DLG2: variants seen among roughly 807,000 people sequenced by gnomAD.
DLG2 encodes the protein discs large MAGUK scaffold protein 2.
Under a neutral mutation model 132.5 loss-of-function variants are expected in DLG2, and 45 were observed. The ratio of observed to expected loss-of-function variants is 0.34; its 90% confidence interval spans 0.27 to 0.44. DLG2 has a LOEUF of 0.44. Ranked by LOEUF, DLG2 falls within the 20% of genes least tolerant of loss-of-function variation. The probability of loss-of-function intolerance (pLI) is 1.00; values close to 1 mark genes in which losing one functional copy is unlikely to be tolerated. For missense variants in DLG2, 1,045 were observed against 1,196.9 expected (o/e 0.87, Z 1.87); for synonymous variants, 424 against 419.6 (o/e 1.01, Z -0.13).
At chr11:84,338,295 G>T (rs2098497295) in intron 7 of DLG2, among the ~76,000 whole-genome samples, 1 of 151,688 alleles carries the variant, frequency 6.6e-6, no homozygotes, top group Non-Finnish European at 1.5e-5. Flanking sequence ...CTATTTCCTT[G>T]ATGAACTCTA....
intron 3 of DLG2, among the ~76,000 whole-genome samples, chr11:85,395,102 TC>T (rs2087183000): frequency 6.6e-6 from 1 of 152,194 alleles, no homozygotes; most frequent in Admixed American, 6.5e-5. Context: ...TCTGCCTCTT[TC>T]TTTGTTTATC....
At chr11:84,897,130 T>C (rs1477524096) in intron 6 of DLG2, among the ~76,000 whole-genome samples, 3 of 125,442 alleles carry the variant, frequency 2.4e-5, no homozygotes, top group Non-Finnish European at 4.8e-5. Context: ...TTGCTTTTCT[T>C]GTACTAGTTA....
intron 3 of DLG2, among the ~76,000 whole-genome samples, chr11:85,467,990 C>A (rs1178841808): frequency 5.3e-5 from 8 of 152,082 alleles, no homozygotes; most frequent in Non-Finnish European, 1.0e-4. Flanking sequence ...ATTTCACAGC[C>A]TGTTATTGGT....
At chr11:83,689,401 A>G (rs540037519) in intron 18 of DLG2, among the ~76,000 whole-genome samples, 1 of 152,314 alleles carries the variant, frequency 6.6e-6, no homozygotes, top group African/African-American at 2.4e-5. Flanking sequence ...CTAACTTGAT[A>G]GTAGGAATAC....
chr11:83,633,952 GCAAAAAA>G (rs1190440865), intron 18 of DLG2, among the ~76,000 whole-genome samples: 29 of 137,062 alleles, frequency 2.1e-4, no homozygotes, highest in African/African-American at 7.1e-4. Flanking sequence ...AAAGCAAAAA[GCAAAAAA>G]CAAAAAACAA....
intron 6 of DLG2, among the ~76,000 whole-genome samples, chr11:85,085,322 G>C (rs1192638667): frequency 6.6e-6 from 1 of 151,978 alleles, no homozygotes; most frequent in Non-Finnish European, 1.5e-5. Flanking sequence ...TAGATATATA[G>C]AAACTCCTAG....
chr11:83,948,795 G>T (rs2084712707), intron 14 of DLG2, among the ~76,000 whole-genome samples: 2 of 152,130 alleles, frequency 1.3e-5, no homozygotes, highest in African/African-American at 4.8e-5. Flanking sequence ...GATTTCATCT[G>T]TAAAGTGGGA....
intron 6 of DLG2, among the ~76,000 whole-genome samples, chr11:84,723,383 T>C (rs750622023): frequency 3.9e-5 from 6 of 152,192 alleles, no homozygotes; most frequent in South Asian, 2.1e-4. Context: ...ATATTTCATT[T>C]CCTTGACTTT....
In DLG2 at chr11:84,571,688, T is replaced by C. The variant is rs567534180; in HGVS notation, c.358-36957A>G. Among the ~76,000 whole-genome samples, 3 of 152,226 alleles carry C rather than the reference T, an allele frequency of 2.0e-5. No individual in the cohort carries two copies. In the East Asian group the frequency reaches 5.8e-4, roughly 29 times the overall value. On this transcript the variant is annotated intron_variant, in intron 6 of 27. Transcript: ENST00000376104. ...AGTGGTGACATGTAGATGTAAAAAG[T>C]TGCCAAATTCTAGTTATAGTTAATA...
chr11:85,317,095 A>C (rs1199675145), intron 3 of DLG2, among the ~76,000 whole-genome samples: 2 of 151,960 alleles, frequency 1.3e-5, no homozygotes, highest in Non-Finnish European at 2.9e-5. Flanking sequence ...AAGTAAATAC[A>C]GAAGCATTGT....
At chr11:85,620,616 T>C (rs1464581742) in intron 2 of DLG2, among the ~76,000 whole-genome samples, 4 of 152,308 alleles carry the variant, frequency 2.6e-5, no homozygotes, top group African/African-American at 9.6e-5. Flanking sequence ...ACTGTTGATA[T>C]AGGGAAAGTT....
intron 3 of DLG2, among the ~76,000 whole-genome samples, chr11:85,449,790 G>GTTTT (rs60329092): frequency 3.5e-5 from 5 of 144,516 alleles, no homozygotes; most frequent in African/African-American, 2.5e-5. Flanking sequence ...ACTACCTAAA[G>GTTTT]TTTTTTTTTT....
At chr11:84,141,018 T>C (rs2094819766) in intron 9 of DLG2, among the ~76,000 whole-genome samples, 1 of 152,120 alleles carries the variant, frequency 6.6e-6, no homozygotes, top group Admixed American at 6.6e-5. Context: ...TCAAAACTTA[T>C]GTAACATGCT....
At chr11:84,090,963 G>A (rs185950447) in intron 10 of DLG2, among the ~76,000 whole-genome samples, 188 of 152,184 alleles carry the variant, frequency 1.2e-3, no homozygotes, top group Non-Finnish European at 2.2e-3. Context: ...AAGGTTAAGC[G>A]AAGTTAAACA....
intron 4 of DLG2, among the ~76,000 whole-genome samples, chr11:85,266,186 CA>C (rs1243694977): frequency 6.6e-6 from 1 of 152,246 alleles, no homozygotes; most frequent in Non-Finnish European, 1.5e-5. Flanking sequence ...GACACTGCCA[CA>C]AGGCCTGCAT....
At chr11:83,602,556 A>G (rs1293967337) in intron 19 of DLG2, among the ~76,000 whole-genome samples, 1 of 152,234 alleles carries the variant, frequency 6.6e-6, no homozygotes, top group Non-Finnish European at 1.5e-5. Context: ...CAAGAAAGAG[A>G]TTGGGGCAGA....
chr11:83,916,497 G>A (rs1444985451), intron 15 of DLG2, among the ~76,000 whole-genome samples: 1 of 151,920 alleles, frequency 6.6e-6, no homozygotes, highest in Non-Finnish European at 1.5e-5. Flanking sequence ...TGTATTTTTA[G>A]TAGAGATGGG....
chr11:83,568,291 A>G (rs2096741846), intron 19 of DLG2, among the ~76,000 whole-genome samples: 1 of 152,132 alleles, frequency 6.6e-6, no homozygotes, highest in African/African-American at 2.4e-5. Flanking sequence ...GATGTTGAGG[A>G]TTTGGGCTAA....
rs1566547251 is a variant in DLG2, at chr11:83,689,907, TGTAA to T, written c.1826-56586_1826-56583del. Among the ~76,000 whole-genome samples, 747 of 144,944 alleles carry T rather than the reference TGTAA, an allele frequency of 5.2e-3. 3 individuals carry two copies. The highest frequency in any genetic ancestry group is 0.018 in the African/African-American group (707 of 39,564). On this transcript the variant is annotated intron_variant, in intron 18 of 27. Coordinates refer to ENST00000376104, the MANE Select transcript of DLG2 (RefSeq NM_001142699.3). ...ATTGATATTTACATAAATATATTTATGTAAATATTATATATTTACATAAATATAT... is the reference window on the plus strand; with the variant it reads ...ATTGATATTTACATAAATATATTTATATATTATATATTTACATAAATATAT...
Sources: allele counts gnomAD v4.1 joint callset (sites outside exome capture counted in the v4.1 genomes callset), GRCh38; gene constraint gnomAD v4.1.1; transcripts MANE v1.5; gene names NCBI Gene and HGNC (gene_info 2026-07-23, HGNC 2026-07-21).